CADPS2: variants seen among roughly 807,000 people sequenced by gnomAD.
The protein encoded by CADPS2 is calcium-dependent secretion activator 2.
In CADPS2, 93 loss-of-function variants were observed where a neutral mutation model predicts 172.5. That is an observed-to-expected ratio of 0.54 (90% CI 0.46 to 0.64). The LOEUF (loss-of-function observed/expected upper bound fraction) is 0.64, where lower values mean the gene tolerates loss of function less well. CADPS2 is among the 30% of genes least tolerant of loss of function. The probability of loss-of-function intolerance (pLI) is 0.00; values close to 1 mark genes in which losing one functional copy is unlikely to be tolerated. For synonymous variants in CADPS2, 546 were observed against 555.2 expected (o/e 0.98, Z 0.23); for missense variants, 1,420 against 1,565.9 (o/e 0.91, Z 1.57).
In CADPS2 at chr7:122,393,272, G is replaced by T; in HGVS notation, c.2932C>A (p.Pro978Thr). Residue 978 changes from proline to threonine, a missense_variant, in exon 22 of 30, where the codon CCA becomes ACA. By Grantham distance (38) the Pro-to-Thr change is conservative (BLOSUM62 -1). Transcript: ENST00000449022. ...TGTGGAAGATTAAGAGGCAGACTTG[G>T]AACTTTTGGAAGAGCTACATTGGGA... Reference protein sequence around the residue: ...SLPNVALPKVPSLPLNLPQIP... With the variant: ...SLPNVALPKVTSLPLNLPQIP... 2 of 1,613,832 alleles carry T rather than the reference G, an allele frequency of 1.2e-6. No individual in the cohort carries two copies. Among genetic ancestry groups the T allele is most frequent in the Middle Eastern group, 1.6e-4 (1 of 6,062 alleles).
In CADPS2 at chr7:122,763,302, A is replaced by G. The variant is rs188969556; in HGVS notation, c.340-26234T>C. The stretch of plus-strand genomic sequence containing the variant: ...GAATACAAGTCTATGAAACTAAGGG[A>G]TTCCTCCCCAGAAAGAAAGAAAAGC... On this transcript the variant is annotated intron_variant, in intron 1 of 29. Transcript: ENST00000449022. 2.3e-3 allele frequency among the ~76,000 whole-genome samples: 347 copies of G among 152,314 alleles called. 1 individual carries two copies. Among genetic ancestry groups the G allele is most frequent in the Non-Finnish European group, 3.6e-3 (248 of 68,022 alleles).
intron 6 of CADPS2, among the ~76,000 whole-genome samples, chr7:122,605,943 A>T (rs1180129893): frequency 6.6e-6 from 1 of 152,138 alleles, no homozygotes; most frequent in Non-Finnish European, 1.5e-5. Context: ...GAGCATTATT[A>T]TAGCAATGTC....
At chr7:122,612,711 A>G (rs2074441832) in intron 6 of CADPS2, among the ~76,000 whole-genome samples, 1 of 152,066 alleles carries the variant, frequency 6.6e-6, no homozygotes. Context: ...CCTAAAATTC[A>G]TATCAAATTT....
intron 6 of CADPS2, among the ~76,000 whole-genome samples, chr7:122,586,930 C>A (rs1037340356): frequency 1.3e-5 from 2 of 151,684 alleles, no homozygotes; most frequent in African/African-American, 4.8e-5. Flanking sequence ...ACCAAATAAC[C>A]AATTAACTCT....
At chr7:122,538,341 G>A (rs1261303131) in intron 8 of CADPS2, among the ~76,000 whole-genome samples, 5 of 146,372 alleles carry the variant, frequency 3.4e-5, no homozygotes, top group Non-Finnish European at 7.5e-5. Context: ...AACACACAAG[G>A]AGAAGCTTAA....
chr7:122,403,337 C>T (rs1381755750), intron 20 of CADPS2, among the ~76,000 whole-genome samples: 1 of 152,160 alleles, frequency 6.6e-6, no homozygotes, highest in Non-Finnish European at 1.5e-5. Flanking sequence ...TTTCTGTTTA[C>T]CTCTCTACAT....
At chr7:122,320,431 G>A (rs1243451288) in intron 29 of CADPS2, 93 bp from the exon 30 acceptor site, 3 of 946,298 alleles carry the variant, frequency 3.2e-6, no homozygotes, top group East Asian at 2.8e-5. Flanking sequence ...ATGATCTTGG[G>A]GAATCCACTG....
At chr7:122,541,566 CATATATTCATATATATTT>C (rs1337801293) in intron 8 of CADPS2, among the ~76,000 whole-genome samples, 49 of 143,802 alleles carry the variant, frequency 3.4e-4, no homozygotes, top group African/African-American at 5.6e-4. Flanking sequence ...AATGAATATA[CATATATTCATATATATTT>C]ATATATTCAT....
chr7:122,630,822 T>C (rs981683266), intron 3 of CADPS2, among the ~76,000 whole-genome samples: 1 of 152,132 alleles, frequency 6.6e-6, no homozygotes, highest in African/African-American at 2.4e-5. Context: ...TGTTTCCAAG[T>C]TGATTTTTAA....
chr7:122,443,280 A>G (rs960467454), intron 15 of CADPS2, among the ~76,000 whole-genome samples: 3 of 152,226 alleles, frequency 2.0e-5, no homozygotes, highest in African/African-American at 4.8e-5. Context: ...CTGAATCAAT[A>G]AAGTACAGAA....
intron 1 of CADPS2, among the ~76,000 whole-genome samples, chr7:122,873,114 C>G (rs1820217263): frequency 6.6e-6 from 1 of 152,130 alleles, no homozygotes; most frequent in Non-Finnish European, 1.5e-5. Context: ...AACCCACCTA[C>G]TGTACTTGGC....
chr7:122,515,220 T>C (rs1276432591), intron 8 of CADPS2, among the ~76,000 whole-genome samples: 1 of 152,174 alleles, frequency 6.6e-6, no homozygotes, highest in Non-Finnish European at 1.5e-5. Flanking sequence ...TCTGTGCTTG[T>C]GGATGGAATG....
chr7:122,738,966 AG>A (rs1288199840), intron 1 of CADPS2, among the ~76,000 whole-genome samples: 1 of 152,128 alleles, frequency 6.6e-6, no homozygotes, highest in Non-Finnish European at 1.5e-5. Flanking sequence ...GCTGAGGTGC[AG>A]GAACATCATC....
chr7:122,513,072 A>G (rs1563557618), intron 9 of CADPS2, among the ~76,000 whole-genome samples, 177 bp downstream of exon 9: 1 of 152,208 alleles, frequency 6.6e-6, no homozygotes, highest in Non-Finnish European at 1.5e-5. Context: ...CTTGGAAAAC[A>G]GTTATTTTAC....
At chr7:122,442,121 T>C (rs1456011333) in intron 15 of CADPS2, among the ~76,000 whole-genome samples, 1 of 152,188 alleles carries the variant, frequency 6.6e-6, no homozygotes, top group African/African-American at 2.4e-5. Context: ...GTCCCAAATA[T>C]TTCTAGTTCT....
rs572219186 is a variant in CADPS2, at chr7:122,792,855, A to G, written c.340-55787T>C. ...GACTAACTGCTCACCTAATAGCACT[A>G]TGCTTCTGGCAACTTCTAGTTCAAT... On this transcript the variant is annotated intron_variant, in intron 1 of 29. Transcript: ENST00000449022. Among the ~76,000 whole-genome samples the G allele has an allele frequency of 3.3e-4, 51 of 152,284 alleles. 1 individual carries two copies. In the East Asian group the frequency reaches 9.5e-3, roughly 28 times the overall value.
At chr7:122,868,749 T>A (rs1339302672) in intron 1 of CADPS2, among the ~76,000 whole-genome samples, 1 of 152,198 alleles carries the variant, frequency 6.6e-6, no homozygotes, top group African/African-American at 2.4e-5. Flanking sequence ...AATGGAGATA[T>A]GTTTCTGACC....
chr7:122,878,773 T>A (rs1313864745), intron 1 of CADPS2, among the ~76,000 whole-genome samples: 1 of 152,120 alleles, frequency 6.6e-6, no homozygotes, highest in African/African-American at 2.4e-5. Flanking sequence ...CTGTAATTAT[T>A]GAACATTAGC....
chr7:122,739,299 A>G (rs2092350470), intron 1 of CADPS2, among the ~76,000 whole-genome samples: 1 of 152,218 alleles, frequency 6.6e-6, no homozygotes, highest in Non-Finnish European at 1.5e-5. Context: ...TGCTTGATAA[A>G]TAAAATACAT....
Sources: gnomAD v4.1 joint callset for allele counts (sites outside exome capture counted in the v4.1 genomes callset) on GRCh38, gnomAD v4.1.1 for gene constraint, MANE v1.5 for transcripts, NCBI Gene and HGNC (gene_info 2026-07-23, HGNC 2026-07-21) for gene names.